Variants in GNG7 observed in about 807,000 individuals in gnomAD.
GNG7 encodes guanine nucleotide-binding protein G(I)/G(S)/G(O) subunit gamma-7.
In GNG7, 1 loss-of-function variant was observed where a neutral mutation model predicts 4.0. That is an observed-to-expected ratio of 0.25 (90% CI 0.09 to 1.18). The LOEUF is 1.18. Among genes scored for constraint, GNG7 ranks in the 50% most tolerant of loss-of-function variants. The probability of loss-of-function intolerance (pLI) is 0.50; values close to 1 mark genes in which losing one functional copy is unlikely to be tolerated. For missense variants in GNG7, 86 were observed against 91.9 expected, an observed-to-expected ratio of 0.94 and a Z score of 0.26; for synonymous variants, 34 against 36.9, an observed-to-expected ratio of 0.92 and a Z score of 0.29.
chr19:2,649,071 G>A (rs1269685404), intron 1 of GNG7, among the ~76,000 whole-genome samples: 2 of 151,424 alleles, frequency 1.3e-5, no homozygotes, highest in African/African-American at 4.9e-5. Flanking sequence ...CTGGGAAGGG[G>A]GAAGGAATGT....
At chr19:2,644,776 T>A (rs1599438965) in intron 2 of GNG7, among the ~76,000 whole-genome samples, 2 of 152,190 alleles carry the variant, frequency 1.3e-5, no homozygotes, top group African/African-American at 4.8e-5. Context: ...TCAAGGTACA[T>A]CCACACTGTG....
rs908676847 is a variant in GNG7, at chr19:2,553,669, CATGTAAT to C, written c.-38+1473_-38+1479del. 4.8e-5 allele frequency among the ~76,000 whole-genome samples: 7 copies of C among 144,560 alleles called. 1 individual carries two copies. Among genetic ancestry groups the C allele is most frequent in the African/African-American group, 1.8e-4 (7 of 38,324 alleles). 94.8% of individuals were successfully genotyped at this position (144,560 alleles called of 152,430 possible). A position where few individuals can be genotyped will look rare whatever the true frequency, so the allele number is the denominator to read the frequency against. On this transcript the variant is annotated intron_variant, in intron 3 of 4. Coordinates refer to ENST00000382159, the MANE Select transcript of GNG7 (RefSeq NM_052847.3). The stretch of plus-strand genomic sequence containing the variant: ...TTATATTACATACATGCACACGTTA[CATGTAAT>C]ATGTTATATTACACACATGTGCACA...
chr19:2,602,211 C>T (rs1981219907), intron 2 of GNG7, among the ~76,000 whole-genome samples: 2 of 152,156 alleles, frequency 1.3e-5, no homozygotes, highest in Admixed American at 1.3e-4. Context: ...GTGGTGCACG[C>T]CTGTAATCTC....
At chr19:2,642,643 G>A in intron 2 of GNG7, 1 of 380,118 alleles carries the variant, frequency 2.6e-6, no homozygotes, top group South Asian at 2.0e-5. Context: ...AGGGACTACA[G>A]GTGCGTGCCA....
Position 2,617,722 on chromosome 19 carries a change from A to ATT in GNG7, c.-78+28500_-78+28501dup, listed in dbSNP as rs80256787. 0.014 allele frequency among the ~76,000 whole-genome samples: 1,930 copies of ATT among 139,326 alleles called. 47 individuals are homozygous for ATT. Among genetic ancestry groups the ATT allele is most frequent in the African/African-American group, 0.048 (1,829 of 38,322 alleles). 91.4% of individuals were successfully genotyped at this position (139,326 alleles called of 152,430 possible). On this transcript the variant is annotated intron_variant, in intron 2 of 4. Transcript: ENST00000382159. The surrounding 1 kb of genome is among the most constrained non-coding windows in gnomAD (Gnocchi z 4.7). The stretch of plus-strand genomic sequence containing the variant: ...CATCCTATTTTGTCTTTTCCTTTTT[A>ATT]TTTTTTTTTTTTTTGAGATAGGGTC...
intron 3 of GNG7, among the ~76,000 whole-genome samples, chr19:2,544,252 T>C (rs1359408594): frequency 6.6e-6 from 1 of 152,158 alleles, no homozygotes; most frequent in Non-Finnish European, 1.5e-5. Context: ...TCCGAGGCAC[T>C]GTGAGGAACA....
intron 2 of GNG7, among the ~76,000 whole-genome samples, chr19:2,565,929 A>G (rs1446569357): frequency 6.6e-6 from 1 of 152,146 alleles, no homozygotes; most frequent in Non-Finnish European, 1.5e-5. Context: ...AGGCCAGGGC[A>G]GGCGGATCAT....
chr19:2,654,799 T>C (rs901879282), intron 1 of GNG7, among the ~76,000 whole-genome samples: 2 of 151,818 alleles, frequency 1.3e-5, no homozygotes, highest in African/African-American at 4.8e-5. Flanking sequence ...ACTGTGGACA[T>C]TGGGGCTGGA....
Position 2,546,809 on chromosome 19 carries a change from C to T in GNG7, c.-38+8340G>A, listed in dbSNP as rs1451171859. Among the ~76,000 whole-genome samples, 1 of 152,006 alleles carries T rather than the reference C, an allele frequency of 6.6e-6. No individual in the cohort carries two copies. The highest frequency in any genetic ancestry group is 1.5e-5 in the Non-Finnish European group (1 of 67,974). ...CACCCGGCGGTGGGGTCGGCGGGGG[C>T]GGGGGATGACCACGGTCATGTGAGA... On this transcript the variant is annotated intron_variant, in intron 3 of 4. Coordinates refer to ENST00000382159, the MANE Select transcript of GNG7 (RefSeq NM_052847.3). This position sits in a 1 kb window ranked among gnomAD's most constrained non-coding sequence, Gnocchi z 6.3.
At chr19:2,655,954 G>A (rs1274305897) in intron 1 of GNG7, among the ~76,000 whole-genome samples, 1 of 149,570 alleles carries the variant, frequency 6.7e-6, no homozygotes, top group Non-Finnish European at 1.5e-5. Flanking sequence ...GAACCTGGGA[G>A]GCAGAGGTTG....
chr19:2,690,791 A>G (rs1913119072), intron 1 of GNG7, among the ~76,000 whole-genome samples: 1 of 152,026 alleles, frequency 6.6e-6, no homozygotes, highest in Non-Finnish European at 1.5e-5. Flanking sequence ...ACGGGGTTTC[A>G]CCATGTTGGC....
intron 1 of GNG7, among the ~76,000 whole-genome samples, chr19:2,670,662 G>A (rs1226533816): frequency 6.6e-6 from 1 of 151,974 alleles, no homozygotes; most frequent in Non-Finnish European, 1.5e-5. Flanking sequence ...CACTGGGGCT[G>A]GAGTGTTCTC....
At chr19:2,655,031 A>T (rs1174574275) in intron 1 of GNG7, among the ~76,000 whole-genome samples, 8 of 152,116 alleles carry the variant, frequency 5.3e-5, no homozygotes, top group East Asian at 1.9e-4. Context: ...TACAAAAAAA[A>T]TTTTAAAACA....
At chr19:2,624,947 G>A (rs1370140254) in intron 2 of GNG7, among the ~76,000 whole-genome samples, 1 of 152,240 alleles carries the variant, frequency 6.6e-6, no homozygotes, top group African/African-American at 2.4e-5. Context: ...GCCATCTCCT[G>A]GCTGTCACCT....
In GNG7 at chr19:2,521,891, G is replaced by A. The variant is rs527689424; in HGVS notation, c.-37-1166C>T. On this transcript the variant is annotated intron_variant, in intron 3 of 4. Coordinates refer to ENST00000382159, the MANE Select transcript of GNG7 (RefSeq NM_052847.3). ...GGCCTCTCAAAGTGCTGGGATGACA[G>A]GTGTGAGCCCGGCCTCTCCTCCGTG... Among the ~76,000 whole-genome samples, 3 of 152,282 alleles carry A rather than the reference G, an allele frequency of 2.0e-5. No homozygotes were observed. In the South Asian group the frequency reaches 6.2e-4, roughly 32 times the overall value.
chr19:2,636,353 G>A (rs977728479), intron 2 of GNG7, among the ~76,000 whole-genome samples: 2 of 152,158 alleles, frequency 1.3e-5, no homozygotes, highest in South Asian at 2.1e-4. Flanking sequence ...CTGAGCTGGG[G>A]AGTGGCAGCC....
rs1441597764 is a variant in GNG7 at position 2,651,245 on chromosome 19, T to TTCCTTCCTTCCTTCC, written c.-134-4966_-134-4965insGGAAGGAAGGAAGGA. Among the ~76,000 whole-genome samples, 10 of 87,212 alleles carry TTCCTTCCTTCCTTCC rather than the reference T, an allele frequency of 1.1e-4. 1 individual carries two copies. Among genetic ancestry groups the TTCCTTCCTTCCTTCC allele is most frequent in the South Asian group, 8.5e-4 (2 of 2,356 alleles). The allele number at this position is 87,212 out of a possible 152,430, so 57.2% of individuals were successfully genotyped here. ...CCGACTTCCTTCCTTCCTTCCTTCC[T>TTCCTTCCTTCCTTCC]TTCCTTCCTTCCTTCCTTCCTTCCT... On this transcript the variant is annotated intron_variant, in intron 1 of 4. Transcript: ENST00000382159.
At chr19:2,563,638 C>T (rs1040356925) in intron 2 of GNG7, among the ~76,000 whole-genome samples, 3 of 152,240 alleles carry the variant, frequency 2.0e-5, no homozygotes, top group South Asian at 4.2e-4. Flanking sequence ...TGCACCACCA[C>T]GCCTGGCTAA....
chr19:2,564,056 C>A (rs961590775), intron 2 of GNG7, among the ~76,000 whole-genome samples: 1 of 152,174 alleles, frequency 6.6e-6, no homozygotes, highest in South Asian at 2.1e-4. Flanking sequence ...TGTGTAAGGG[C>A]AGGCTCCTAA....
Sources: gnomAD v4.1 joint callset for allele counts (sites outside exome capture counted in the v4.1 genomes callset) on GRCh38, gnomAD v4.1.1 for gene constraint, Gnocchi (gnomAD v3.1) non-coding constraint, MANE v1.5 for transcripts, NCBI Gene and HGNC (gene_info 2026-07-23, HGNC 2026-07-21) for gene names.